The following RRM2 variants were observed in gnomAD, a reference collection of about 807,000 sequenced individuals.
RRM2 encodes the protein ribonucleotide reductase regulatory subunit M2.
In RRM2, 6 loss-of-function variants were observed where a neutral mutation model predicts 45.9. The ratio of observed to expected loss-of-function variants is 0.13; its 90% confidence interval spans 0.07 to 0.26. RRM2 has a LOEUF of 0.26. Ranked by LOEUF, RRM2 falls within the 10% of genes least tolerant of loss-of-function variation. The pLI is 1.00. For synonymous variants in RRM2, 177 were observed against 173.0 expected, an observed-to-expected ratio of 1.02 and a Z score of -0.18; for missense variants, 343 against 489.5, an observed-to-expected ratio of 0.70 and a Z score of 2.82.
intron 3 of RRM2, among the ~76,000 whole-genome samples, chr2:10,176,325 A>G (rs1334765849): frequency 2.6e-5 from 4 of 151,860 alleles, no homozygotes; most frequent in Middle Eastern, 3.4e-3. Flanking sequence ...CTGGAGTGCA[A>G]TGGCGCAATC....
At chr2:10,183,370 G>T (rs1664100270) in intron 3 of RRM2, among the ~76,000 whole-genome samples, 2 of 152,242 alleles carry the variant, frequency 1.3e-5, no homozygotes, top group Admixed American at 6.5e-5. Flanking sequence ...TGGGACACTG[G>T]AGGGGTGGAG....
intron 4 of RRM2, chr2:10,124,106 C>CTA: frequency 2.5e-6 from 1 of 397,766 alleles, no homozygotes; most frequent in Non-Finnish European, 4.3e-6. Context: ...CATCTGCCCC[C>CTA]TCTTTTTTTT....
intron 3 of RRM2, among the ~76,000 whole-genome samples, chr2:10,191,581 T>A (rs1160969423): frequency 6.6e-6 from 1 of 151,940 alleles, no homozygotes; most frequent in Non-Finnish European, 1.5e-5. Flanking sequence ...CAAAGGGAAG[T>A]CTCTGAGTTG....
chr2:10,170,629 A>C (rs1354292370), intron 3 of RRM2, among the ~76,000 whole-genome samples: 1 of 152,088 alleles, frequency 6.6e-6, no homozygotes, highest in Non-Finnish European at 1.5e-5. Flanking sequence ...GGGGACAGAC[A>C]TCAGCCCCAG....
At chr2:10,146,995 C>T (rs945582783) in intron 3 of RRM2, among the ~76,000 whole-genome samples, 1 of 151,978 alleles carries the variant, frequency 6.6e-6, no homozygotes, top group East Asian at 1.9e-4. Context: ...TCTCTGTTGA[C>T]AGGCTGGAGC....
chr2:10,125,897 G>C (rs1255871548), intron 5 of RRM2, among the ~76,000 whole-genome samples: 1 of 152,102 alleles, frequency 6.6e-6, no homozygotes, highest in African/African-American at 2.4e-5. Context: ...GGGTACGATC[G>C]GGGGCAAATG....
At chr2:10,177,860 G>A (rs1663963163) in intron 3 of RRM2, among the ~76,000 whole-genome samples, 1 of 151,282 alleles carries the variant, frequency 6.6e-6, no homozygotes, top group Admixed American at 6.6e-5. Flanking sequence ...GACTTAAGGT[G>A]ATCCACCCGC....
At chr2:10,196,626 G>A (rs75835830) in intron 3 of RRM2, among the ~76,000 whole-genome samples, 7,120 of 152,238 alleles carry the variant, frequency 0.047, 217 homozygotes, top group East Asian at 0.094. Flanking sequence ...ATGGGGGGCC[G>A]GGCTCCGGGG....
At chr2:10,197,919 C>T (rs1664448438) in intron 3 of RRM2, among the ~76,000 whole-genome samples, 1 of 152,150 alleles carries the variant, frequency 6.6e-6, no homozygotes, top group Non-Finnish European at 1.5e-5. Context: ...GGCCCTGGAT[C>T]CTGCTGGGCC....
At chr2:10,151,105 G>A (rs978019485) in intron 3 of RRM2, among the ~76,000 whole-genome samples, 1 of 151,948 alleles carries the variant, frequency 6.6e-6, no homozygotes, top group African/African-American at 2.4e-5. Context: ...GCGCCACCAC[G>A]CCTGGCCTAG....
exon 1 of RRM2, chr2:10,141,620 T>C: frequency 1.8e-6 from 1 of 569,280 alleles, no homozygotes; most frequent in East Asian, 3.1e-5. Flanking sequence ...TGCTTAAGGA[T>C]TCCAAGATCA....
chr2:10,134,570 C>T (rs1662960991), downstream of RRM2, among the ~76,000 whole-genome samples: 1 of 152,190 alleles, frequency 6.6e-6, no homozygotes, highest in Non-Finnish European at 1.5e-5. Context: ...AGCCTGGTTG[C>T]ACAGGATTCC....
At chr2:10,181,756 T>C (rs112740266) in intron 3 of RRM2, among the ~76,000 whole-genome samples, 3,504 of 27,562 alleles carry the variant, frequency 0.13, 86 homozygotes, top group African/African-American at 0.29. Flanking sequence ...CTCTCTCTCT[T>C]TTTTTTTTTT....
intron 2 of RRM2, 139 bp from the exon 3 acceptor site, chr2:10,123,248 C>T: frequency 1.5e-6 from 2 of 1,299,804 alleles, no homozygotes; most frequent in Non-Finnish European, 2.1e-6. Context: ...CTGCTGCGAC[C>T]CACGGAGTGC....
chr2:10,197,942 T>A (rs1664448866), intron 3 of RRM2, among the ~76,000 whole-genome samples: 1 of 152,158 alleles, frequency 6.6e-6, no homozygotes, highest in Non-Finnish European at 1.5e-5. Context: ...TCTGCCTGTC[T>A]GACCATGGAA....
intron 3 of RRM2, among the ~76,000 whole-genome samples, chr2:10,151,951 ATTTTAT>A (rs1663319348): frequency 1.2e-4 from 6 of 52,012 alleles, no homozygotes; most frequent in African/African-American, 6.4e-4. Context: ...TTTATTTTTT[ATTTTAT>A]TTTTTTTTTG....
chr2:10,200,342 G>A (rs573421888), intron 3 of RRM2, among the ~76,000 whole-genome samples: 11 of 152,290 alleles, frequency 7.2e-5, no homozygotes, highest in African/African-American at 2.6e-4. Context: ...GGGGTTCCTG[G>A]CCTGTGAGAA....
chr2:10,151,056 C>T (rs1442374485), intron 3 of RRM2, among the ~76,000 whole-genome samples: 1 of 152,002 alleles, frequency 6.6e-6, no homozygotes, highest in Non-Finnish European at 1.5e-5. Flanking sequence ...CTCAGGTGAT[C>T]CACCCGCCTT....
intron 5 of RRM2, 167 bp downstream of exon 5, chr2:10,125,017 A>G (rs72544298): frequency 0.14 from 75,832 of 555,694 alleles, 6,038 homozygotes; most frequent in Middle Eastern, 0.19. Context: ...GCCTAAATGC[A>G]CTTTATTATT....
Sources: allele counts gnomAD v4.1 joint callset (sites outside exome capture counted in the v4.1 genomes callset), GRCh38; gene constraint gnomAD v4.1.1; transcripts MANE v1.5; gene names NCBI Gene and HGNC (gene_info 2026-07-23, HGNC 2026-07-21).